Variants in ACKR2 observed in about 807,000 individuals in gnomAD.
The protein encoded by ACKR2 is atypical chemokine receptor 2.
For missense variants in ACKR2, 457 were observed against 477.3 expected, an observed-to-expected ratio of 0.96 and a Z score of 0.40; for synonymous variants, 207 against 192.2, an observed-to-expected ratio of 1.08 and a Z score of -0.64.
In ACKR2 at chr3:42,865,025, G is replaced by A. The variant is rs748142680; in HGVS notation, c.523G>A (p.Val175Ile). 3.7e-6 allele frequency: 6 copies of A among 1,614,130 alleles called. No homozygotes were observed. The highest frequency in any genetic ancestry group is 2.2e-5 in the East Asian group (1 of 44,876). ...CATAGTATGGGCTGTGTCCCTGGCC[G>A]TCTCCATCCCTGATATGGTCTTTGT... Reference protein sequence around the residue: ...ATIVWAVSLAVSIPDMVFVQT... With the variant: ...ATIVWAVSLAISIPDMVFVQT... The change falls in exon 3 of 3, where the codon GTC becomes ATC. Residue 175 changes from valine (V) to isoleucine (I), a missense_variant. Coordinates refer to ENST00000422265, the MANE Select transcript of ACKR2 (RefSeq NM_001296.5).
At chr3:42,827,231 G>T (rs1000982389) in intron 2 of ACKR2, among the ~76,000 whole-genome samples, 1 of 152,074 alleles carries the variant, frequency 6.6e-6, no homozygotes, top group Non-Finnish European at 1.5e-5. Flanking sequence ...ATCAGTTTTA[G>T]GTATTCACTT....
chr3:42,811,726 G>A (rs539435237), intron 1 of ACKR2, among the ~76,000 whole-genome samples: 81 of 152,258 alleles, frequency 5.3e-4, no homozygotes, highest in African/African-American at 1.8e-3. Context: ...TGTAAAACCC[G>A]ATCGTAAATT....
intron 2 of ACKR2, among the ~76,000 whole-genome samples, chr3:42,832,613 C>T (rs1700941962): frequency 6.6e-6 from 1 of 152,186 alleles, no homozygotes; most frequent in African/African-American, 2.4e-5. Flanking sequence ...TCCATCACCG[C>T]ATACGGAACG....
rs1366281637 is a variant in ACKR2 at position 42,866,156 on chromosome 3, TTTTC to T, written c.*515_*518del. 8 of 149,490 alleles carry T rather than the reference TTTTC, an allele frequency of 5.4e-5. No homozygotes were observed. The highest frequency in any genetic ancestry group is 2.1e-4 in the South Asian group (1 of 4,704). 9.3% of individuals were successfully genotyped at this position (149,490 alleles called of 1,614,324 possible). On this transcript the variant is annotated 3_prime_UTR_variant, in exon 3 of 3. Transcript: ENST00000422265. Reference sequence around the variant, plus strand: ...CATGCCTGGCTAATTTTTGTATTTTTTTTCTTTCTTTCTTTCTTTTCTTTTTTTT... The same window carrying T: ...CATGCCTGGCTAATTTTTGTATTTTTTTTCTTTCTTTCTTTTCTTTTTTTT...
chr3:42,842,299 C>T (rs552351577), intron 2 of ACKR2, among the ~76,000 whole-genome samples: 2 of 152,270 alleles, frequency 1.3e-5, no homozygotes, highest in African/African-American at 4.8e-5. Flanking sequence ...TGGGAAATAA[C>T]ATCAAATGTG....
intron 2 of ACKR2, among the ~76,000 whole-genome samples, chr3:42,826,632 T>A (rs1700868069): frequency 6.6e-6 from 1 of 152,156 alleles, no homozygotes; most frequent in African/African-American, 2.4e-5. Context: ...CCCTTTTTTC[T>A]TAGTCAATTA....
chr3:42,836,617 A>G (rs985379632), intron 2 of ACKR2, among the ~76,000 whole-genome samples: 2 of 152,192 alleles, frequency 1.3e-5, no homozygotes, highest in Non-Finnish European at 2.9e-5. Flanking sequence ...TCTTGAGGAT[A>G]GGAGGGTGAC....
chr3:42,829,066 G>T (rs1427804), intron 2 of ACKR2, among the ~76,000 whole-genome samples: 1 of 151,922 alleles, frequency 6.6e-6, no homozygotes, highest in African/African-American at 2.4e-5. Flanking sequence ...CAGGTGTCCT[G>T]GTATAGAGTG....
At chr3:42,830,408 G>A (rs1279516221) in intron 2 of ACKR2, among the ~76,000 whole-genome samples, 3 of 152,090 alleles carry the variant, frequency 2.0e-5, no homozygotes, top group Non-Finnish European at 2.9e-5. Context: ...GAGCCACCAC[G>A]CCCAGCCTTT....
At chr3:42,864,359 G>A (rs1396627250) in intron 2 of ACKR2, 107 bp from the exon 3 acceptor site, 2 of 972,294 alleles carry the variant, frequency 2.1e-6, no homozygotes, top group Non-Finnish European at 2.9e-6. Context: ...TGGACTGCAG[G>A]TACTGATGTA....
intron 2 of ACKR2, chr3:42,835,147 G>A (rs1700974466): frequency 6.6e-6 from 1 of 152,156 alleles, no homozygotes; most frequent in African/African-American, 2.4e-5. Context: ...CCAAAGTGCT[G>A]GGATTACAAG....
At chr3:42,829,907 T>C (rs912227980) in intron 2 of ACKR2, among the ~76,000 whole-genome samples, 2 of 152,206 alleles carry the variant, frequency 1.3e-5, no homozygotes, top group African/African-American at 4.8e-5. Context: ...CAGGTCATCC[T>C]ACATGACCCT....
intron 2 of ACKR2, among the ~76,000 whole-genome samples, chr3:42,845,927 T>G (rs1206382616): frequency 6.6e-6 from 1 of 150,704 alleles, no homozygotes; most frequent in Non-Finnish European, 1.5e-5. Context: ...CTACAAAATG[T>G]ATCTGGGGAG....
intron 2 of ACKR2, among the ~76,000 whole-genome samples, chr3:42,841,205 C>G (rs796237983): frequency 4.6e-5 from 7 of 152,236 alleles, no homozygotes; most frequent in African/African-American, 1.4e-4. Context: ...TTATGTGTAT[C>G]TTTATTAATG....
At chr3:42,830,301 G>C (rs1008451570) in intron 2 of ACKR2, among the ~76,000 whole-genome samples, 19 of 152,120 alleles carry the variant, frequency 1.2e-4, no homozygotes, top group African/African-American at 4.3e-4. Context: ...TTAAAATAGA[G>C]ATGGGGGTTT....
chr3:42,856,581 C>G (rs2088324022), intron 2 of ACKR2: 2 of 543,312 alleles, frequency 3.7e-6, no homozygotes, highest in Non-Finnish European at 6.5e-6. Flanking sequence ...AAATGAGCAT[C>G]CCACCCATTA....
rs746429853 is a variant in ACKR2 at position 42,865,375 on chromosome 3, C to T, written c.873C>T (p.Asp291=). The stretch of plus-strand genomic sequence containing the variant: ...ACTGTGAGGTCAGCCAGCATCTAGA[C>T]TACGCACTCCAGGTAACAGAGAGCA... ...FGNCEVSQHL[D]YALQVTESIA... The change falls in exon 3 of 3, where the codon GAC becomes GAT. Residue 291 remains aspartate (D), a synonymous_variant. Transcript: ENST00000422265. 13 of 1,614,092 alleles carry T rather than the reference C, an allele frequency of 8.1e-6. No individual in the cohort carries two copies. In the African/African-American group the frequency reaches 1.6e-4, roughly 20 times the overall value.
At chr3:42,859,632 C>G (rs1024839249) in intron 2 of ACKR2, among the ~76,000 whole-genome samples, 4 of 152,092 alleles carry the variant, frequency 2.6e-5, no homozygotes, top group Non-Finnish European at 4.4e-5. Context: ...CTGCTCACCT[C>G]GGCCTCCCAA....
intron 2 of ACKR2, among the ~76,000 whole-genome samples, chr3:42,853,572 C>T (rs1701186544): frequency 6.6e-6 from 1 of 152,108 alleles, no homozygotes; most frequent in African/African-American, 2.4e-5. Context: ...GCTGTGCTTA[C>T]TATTTTCTTT....
Sources: allele counts gnomAD v4.1 joint callset (sites outside exome capture counted in the v4.1 genomes callset), GRCh38; gene constraint gnomAD v4.1.1; transcripts MANE v1.5; gene names NCBI Gene and HGNC (gene_info 2026-07-23, HGNC 2026-07-21).